The following CNTNAP5 variants were observed in gnomAD, a reference collection of about 807,000 sequenced individuals.
CNTNAP5 encodes the protein contactin-associated protein-like 5.
CNTNAP5 carries 72 observed loss-of-function variants against 150.2 expected under a neutral mutation model. The ratio of observed to expected loss-of-function variants is 0.48; its 90% CI spans 0.40 to 0.58. CNTNAP5 has a LOEUF of 0.58. CNTNAP5 is among the 20% of genes least tolerant of loss of function. The pLI is 0.00. For synonymous variants in CNTNAP5, 672 were observed against 619.8 expected, an observed-to-expected ratio of 1.08 and a Z score of -1.25; for missense variants, 1,636 against 1,626.2, an observed-to-expected ratio of 1.01 and a Z score of -0.10.
intron 12 of CNTNAP5, among the ~76,000 whole-genome samples, chr2:124,615,463 C>T (rs1387266923): frequency 2.6e-5 from 4 of 152,174 alleles, no homozygotes; most frequent in Non-Finnish European, 5.9e-5. Context: ...ACTCCTCATC[C>T]GTTAAAATTT....
intron 1 of CNTNAP5, among the ~76,000 whole-genome samples, chr2:124,079,484 T>C (rs1465565800): frequency 6.8e-6 from 1 of 147,110 alleles, no homozygotes; most frequent in Non-Finnish European, 1.5e-5. Flanking sequence ...AAGGGCTCTA[T>C]CCTTTTTATC....
chr2:124,043,666 C>A (rs754872922), intron 1 of CNTNAP5, among the ~76,000 whole-genome samples: 2 of 152,108 alleles, frequency 1.3e-5, no homozygotes, highest in Non-Finnish European at 2.9e-5. Flanking sequence ...TGCTTACCAA[C>A]CTGTGTGGGC....
intron 1 of CNTNAP5, among the ~76,000 whole-genome samples, chr2:124,076,190 C>A (rs1225632253): frequency 6.6e-6 from 1 of 152,094 alleles, no homozygotes; most frequent in South Asian, 2.1e-4. Flanking sequence ...GAATCTCAAA[C>A]CCTGACTTCA....
chr2:124,044,931 CAT>C (rs1553432201), intron 1 of CNTNAP5, among the ~76,000 whole-genome samples: 17 of 143,144 alleles, frequency 1.2e-4, no homozygotes, highest in Non-Finnish European at 1.4e-4. Context: ...CACACACACA[CAT>C]GAATAAGTGA....
chr2:124,507,616 T>A (rs950185747), intron 8 of CNTNAP5, among the ~76,000 whole-genome samples: 1 of 152,116 alleles, frequency 6.6e-6, no homozygotes, highest in Non-Finnish European at 1.5e-5. Flanking sequence ...TTAGAGAGAA[T>A]AAATGACAAA....
At chr2:124,172,709 C>T (rs561005644) in intron 1 of CNTNAP5, among the ~76,000 whole-genome samples, 11 of 152,096 alleles carry the variant, frequency 7.2e-5, no homozygotes, top group South Asian at 4.2e-4. Flanking sequence ...CCATGGCACC[C>T]GGCAGTATCA....
At chr2:124,126,352 A>C (rs530991399) in intron 1 of CNTNAP5, among the ~76,000 whole-genome samples, 2 of 152,282 alleles carry the variant, frequency 1.3e-5, no homozygotes, top group East Asian at 3.9e-4. Context: ...CCCAAGACTA[A>C]ATCAGGAAGA....
At chr2:124,140,993 C>A (rs1684108153) in intron 1 of CNTNAP5, among the ~76,000 whole-genome samples, 1 of 62,746 alleles carries the variant, frequency 1.6e-5, no homozygotes, top group South Asian at 7.9e-4. Flanking sequence ...GTGAAGAATG[C>A]AGAAGCCTCA....
chr2:124,663,428 G>A (rs1678633700), intron 13 of CNTNAP5, among the ~76,000 whole-genome samples: 1 of 152,144 alleles, frequency 6.6e-6, no homozygotes, highest in Admixed American at 6.5e-5. Flanking sequence ...ATGCATCATT[G>A]ACAAGGAAAA....
chr2:124,155,976 C>A (rs570989046), intron 1 of CNTNAP5, among the ~76,000 whole-genome samples: 1 of 152,160 alleles, frequency 6.6e-6, no homozygotes, highest in African/African-American at 2.4e-5. Flanking sequence ...AGATAATGTG[C>A]GTGGCCAGCC....
rs779796468 is a variant in CNTNAP5, at chr2:124,504,350, C to G, written c.1121C>G (p.Ser374Cys). 1.2e-6 allele frequency: 2 copies of G among 1,613,928 alleles called. No individual in the cohort carries two copies. Among genetic ancestry groups the G allele is most frequent in the Non-Finnish European group, 1.7e-6 (2 of 1,179,856 alleles). The stretch of plus-strand genomic sequence containing the variant: ...ATTGTGCCCATCACATTTGTCAACT[C>G]CAGCGGCAGCTATTTGCTGCTGCCC... Reference protein sequence around the residue: ...PQIVPITFVNSSGSYLLLPGT... With the variant: ...PQIVPITFVNCSGSYLLLPGT... The change falls in exon 8 of 24, where the codon TCC becomes TGC. Residue 374 changes from serine to cysteine, a missense_variant. By Grantham distance (112) the Ser-to-Cys change is moderately radical (BLOSUM62 -1). Coordinates refer to ENST00000682447, the MANE Select transcript of CNTNAP5 (RefSeq NM_001367498.1).
At chr2:124,796,147 C>T (rs753716395) in intron 18 of CNTNAP5, among the ~76,000 whole-genome samples, 5 of 152,016 alleles carry the variant, frequency 3.3e-5, no homozygotes, top group Non-Finnish European at 5.9e-5. Flanking sequence ...TTAAAAATAA[C>T]TAGAACTGGG....
At chr2:124,249,023 C>T (rs552186221) in intron 3 of CNTNAP5, among the ~76,000 whole-genome samples, 2 of 152,224 alleles carry the variant, frequency 1.3e-5, no homozygotes, top group East Asian at 3.9e-4. Context: ...CCTGTTAGTC[C>T]TCACTCTGAT....
At position 124,199,239 on chromosome 2, in the gene CNTNAP5, G is replaced by A. The variant is rs139931616; in HGVS notation, c.83-22466G>A. 2.5e-3 allele frequency among the ~76,000 whole-genome samples: 386 copies of A among 151,982 alleles called. 1 individual carries two copies. The highest frequency in any genetic ancestry group is 8.7e-3 in the African/African-American group (362 of 41,454). On this transcript the variant is annotated intron_variant, in intron 1 of 23. Transcript: ENST00000682447. The stretch of plus-strand genomic sequence containing the variant: ...GAAAAGGAATTCTGAGATGGGGTGT[G>A]GATTGAATTTCAATGAATTCATAGA...
intron 3 of CNTNAP5, among the ~76,000 whole-genome samples, chr2:124,258,013 A>G (rs1208143764): frequency 6.6e-6 from 1 of 152,178 alleles, no homozygotes; most frequent in Non-Finnish European, 1.5e-5. Flanking sequence ...CCCGTCACTC[A>G]TTAAATCTGT....
At chr2:124,730,977 T>C (rs1000290410) in intron 13 of CNTNAP5, among the ~76,000 whole-genome samples, 4 of 152,122 alleles carry the variant, frequency 2.6e-5, no homozygotes, top group Non-Finnish European at 4.4e-5. Context: ...TCTGTGTAAT[T>C]GCAAAGTTCT....
chr2:124,297,273 G>A (rs1368976129), intron 3 of CNTNAP5, among the ~76,000 whole-genome samples: 1 of 152,056 alleles, frequency 6.6e-6, no homozygotes, highest in East Asian at 1.9e-4. Context: ...TCTCCGTGCC[G>A]GTAACCACAC....
intron 5 of CNTNAP5, among the ~76,000 whole-genome samples, chr2:124,444,402 G>A (rs181053590): frequency 4.6e-5 from 7 of 152,042 alleles, no homozygotes; most frequent in East Asian, 1.9e-4. Flanking sequence ...AAGACCAGCC[G>A]GGTCAATGTG....
chr2:124,591,618 A>G (rs990643905), intron 11 of CNTNAP5, among the ~76,000 whole-genome samples: 2 of 152,080 alleles, frequency 1.3e-5, no homozygotes, highest in Non-Finnish European at 2.9e-5. Flanking sequence ...ACCATGTTGC[A>G]CCCTTGTTGC....
Sources: allele counts gnomAD v4.1 joint callset (sites outside exome capture counted in the v4.1 genomes callset), GRCh38; gene constraint gnomAD v4.1.1; transcripts MANE v1.5; gene names NCBI Gene and HGNC (gene_info 2026-07-23, HGNC 2026-07-21).